Variants in GPC6 observed in about 807,000 individuals in gnomAD.
The protein encoded by GPC6 is glypican-6.
Under a neutral mutation model 55.2 loss-of-function variants are expected in GPC6, and 14 were observed. That is an observed-to-expected ratio of 0.25 (90% CI 0.17 to 0.40). GPC6 has a LOEUF of 0.40. Among genes scored for constraint, GPC6 ranks in the 10% least tolerant of loss-of-function variants. The pLI is 1.00. For synonymous variants in GPC6, 278 were observed against 259.6 expected (o/e 1.07, Z -0.68); for missense variants, 641 against 708.5 (o/e 0.90, Z 1.08).
intron 3 of GPC6, among the ~76,000 whole-genome samples, chr13:94,025,926 TA>T (rs202221488): frequency 6.6e-6 from 1 of 152,024 alleles, no homozygotes; most frequent in African/African-American, 2.4e-5. Context: ...TACTCTGGGA[TA>T]AAAAAAATTA....
chr13:93,360,812 G>A (rs1881017775), intron 1 of GPC6, among the ~76,000 whole-genome samples: 1 of 152,110 alleles, frequency 6.6e-6, no homozygotes, highest in Non-Finnish European at 1.5e-5. Flanking sequence ...CTCCTGATCA[G>A]TTATTTCTAT....
chr13:94,130,752 T>C (rs1420669478), intron 4 of GPC6, among the ~76,000 whole-genome samples: 1 of 152,024 alleles, frequency 6.6e-6, no homozygotes, highest in African/African-American at 2.4e-5. Flanking sequence ...TTATTAAGAG[T>C]CCTCATAGGA....
chr13:93,475,218 C>A (rs1318981522), intron 1 of GPC6, among the ~76,000 whole-genome samples: 1 of 152,100 alleles, frequency 6.6e-6, no homozygotes, highest in Non-Finnish European at 1.5e-5. Flanking sequence ...TGAAACATGT[C>A]AGAATGCAAA....
At chr13:94,248,060 C>T (rs771457934) in intron 4 of GPC6, among the ~76,000 whole-genome samples, 3 of 151,986 alleles carry the variant, frequency 2.0e-5, no homozygotes, top group Non-Finnish European at 4.4e-5. Flanking sequence ...GTGATGCTGG[C>T]CTCAAAAAAT....
At chr13:94,380,948 C>T (rs1880127907) in intron 6 of GPC6, among the ~76,000 whole-genome samples, 1 of 152,080 alleles carries the variant, frequency 6.6e-6, no homozygotes, top group African/African-American at 2.4e-5. Flanking sequence ...CAGAATGCCC[C>T]TGAGTTTCGG....
At chr13:93,445,060 G>C (rs1877949991) in intron 1 of GPC6, among the ~76,000 whole-genome samples, 2 of 152,070 alleles carry the variant, frequency 1.3e-5, no homozygotes, top group South Asian at 4.1e-4. Context: ...CTTGGTCTTT[G>C]TTTATGGTGA....
At chr13:94,253,707 T>G (rs1394153168) in intron 4 of GPC6, among the ~76,000 whole-genome samples, 1 of 151,902 alleles carries the variant, frequency 6.6e-6, no homozygotes, top group Non-Finnish European at 1.5e-5. Flanking sequence ...TTAGTCATAT[T>G]CCCCCTCCAA....
intron 6 of GPC6, among the ~76,000 whole-genome samples, chr13:94,330,752 T>C (rs1441592218): frequency 6.6e-6 from 1 of 152,132 alleles, no homozygotes; most frequent in Non-Finnish European, 1.5e-5. Flanking sequence ...TGCTCCATGT[T>C]TTTCCCTGTG....
chr13:94,232,498 C>A (rs1443568011), intron 4 of GPC6, among the ~76,000 whole-genome samples: 2 of 152,064 alleles, frequency 1.3e-5, no homozygotes, highest in African/African-American at 4.8e-5. Context: ...TAAATTTTTA[C>A]CAAAGCAATT....
intron 6 of GPC6, among the ~76,000 whole-genome samples, chr13:94,334,401 C>T (rs1238018209): frequency 6.6e-6 from 1 of 152,218 alleles, no homozygotes; most frequent in Non-Finnish European, 1.5e-5. Flanking sequence ...CCTGATTCTT[C>T]TCTACAATAA....
At chr13:93,280,946 TC>T (rs1397836244) in intron 1 of GPC6, among the ~76,000 whole-genome samples, 1 of 152,170 alleles carries the variant, frequency 6.6e-6, no homozygotes, top group African/African-American at 2.4e-5. Flanking sequence ...GTAATGCTCG[TC>T]CCTTGCTCAC....
At chr13:93,675,022 A>G (rs529398948) in intron 2 of GPC6, among the ~76,000 whole-genome samples, 46 of 152,306 alleles carry the variant, frequency 3.0e-4, no homozygotes, top group South Asian at 8.3e-4. Flanking sequence ...TGAAGAGAGT[A>G]CAATTAAGTT....
chr13:93,479,698 A>T (rs1449234032), intron 1 of GPC6, among the ~76,000 whole-genome samples: 1 of 152,110 alleles, frequency 6.6e-6, no homozygotes, highest in Admixed American at 6.5e-5. Flanking sequence ...GCAAACATTT[A>T]TGGATCATCT....
chr13:93,684,150 C>T (rs1024602655), intron 2 of GPC6, among the ~76,000 whole-genome samples: 1 of 152,000 alleles, frequency 6.6e-6, no homozygotes, highest in Non-Finnish European at 1.5e-5. Context: ...TACTTCATAC[C>T]TCTCTATTCT....
intron 2 of GPC6, among the ~76,000 whole-genome samples, chr13:93,604,163 G>T (rs1432539361): frequency 6.6e-6 from 1 of 152,160 alleles, no homozygotes; most frequent in Non-Finnish European, 1.5e-5. Context: ...TACTTTCTTT[G>T]CCTTTTTGAA....
At position 94,167,492 on chromosome 13, in the gene GPC6, T is replaced by G. The variant is rs536193845; in HGVS notation, c.878-118857T>G. On this transcript the variant is annotated intron_variant, in intron 4 of 8. Coordinates refer to ENST00000377047, the MANE Select transcript of GPC6 (RefSeq NM_005708.5). ...ATACTATATTTAAATTCATGAGAAC[T>G]AGATATCAGTGCTTTTAAACAATGT... Among the ~76,000 whole-genome samples, 3 of 152,320 alleles carry G rather than the reference T, an allele frequency of 2.0e-5. No individual in the cohort carries two copies. The South Asian group carries it at 6.2e-4, about 32-fold the overall frequency.
rs1355095157 is a variant in GPC6, at chr13:93,270,090, C to CA, written c.160+42484dup. On this transcript the variant is annotated intron_variant, in intron 1 of 8. Coordinates refer to ENST00000377047, the MANE Select transcript of GPC6 (RefSeq NM_005708.5). ...GGCAGCATAGTAAGACTATGGCTCT[C>CA]AAAAAAAAAATTAGCCAGGCATGGT... Among the ~76,000 whole-genome samples, 181 of 146,446 alleles carry CA rather than the reference C, an allele frequency of 1.2e-3. 1 individual carries two copies. The highest frequency in any genetic ancestry group is 2.3e-3 in the Non-Finnish European group (150 of 66,270).
intron 1 of GPC6, among the ~76,000 whole-genome samples, chr13:93,237,658 G>T (rs1876284958): frequency 6.6e-6 from 1 of 152,122 alleles, no homozygotes; most frequent in South Asian, 2.1e-4. Flanking sequence ...ATGTCCAGAA[G>T]AGTTTTTCTT....
chr13:93,758,784 G>A (rs1884863791), intron 2 of GPC6, among the ~76,000 whole-genome samples: 1 of 152,042 alleles, frequency 6.6e-6, no homozygotes. Context: ...CAGTGCTAAT[G>A]TTGACTTCAC....
Sources: gnomAD v4.1 joint callset for allele counts (sites outside exome capture counted in the v4.1 genomes callset) on GRCh38, gnomAD v4.1.1 for gene constraint, MANE v1.5 for transcripts, NCBI Gene and HGNC (gene_info 2026-07-23, HGNC 2026-07-21) for gene names.